TTN: variants seen among roughly 807,000 people sequenced by gnomAD.
TTN encodes the protein titin, also known as connectin.
TTN carries 1,525 observed loss-of-function variants against 3,223.0 expected under a neutral mutation model. The ratio of observed to expected loss-of-function variants is 0.47; its 90% CI spans 0.45 to 0.49. TTN has a LOEUF of 0.49. TTN is among the 20% of genes least tolerant of loss of function. TTN has a pLI of 0.00. For missense variants in TTN, 40,786 were observed against 43,424.0 expected (o/e 0.94, Z 5.40); for synonymous variants, 14,094 against 15,161.0 (o/e 0.93, Z 5.17).
chr2:178,741,984 CA>C (rs1352163326), intron 47 of TTN, 63 bp from the exon 48 acceptor site: 1 of 1,224,790 alleles, frequency 8.2e-7, no homozygotes, highest in Non-Finnish European at 1.0e-6. Context: ...AAATAGAAAT[CA>C]AAGAATTAGA....
Position 178,595,616 on chromosome 2 carries a change from C to A in TTN, c.57738G>T (p.Gln19246His). Residue 19246 changes from glutamine to histidine, a missense_variant, in exon 295 of 363, where the codon CAG (glutamine) becomes CAT (histidine). Transcript: ENST00000589042. ...YTVTRQNATV[Q>H]GLIQGKAYFF... ...AGTAGGCTTTTCCTTGAATGAGACC[C>A]TGGACAGTAGCATTTTGTCGGGTAA... 1 of 1,599,286 alleles carries A rather than the reference C, an allele frequency of 6.3e-7. No homozygotes were observed. The highest frequency in any genetic ancestry group is 2.3e-5 in the East Asian group (1 of 44,184).
Position 178,567,294 on chromosome 2 carries a change from T to G in TTN, c.78838A>C (p.Asn26280His). 1 of 1,606,918 alleles carries G rather than the reference T, an allele frequency of 6.2e-7. No individual in the cohort carries two copies. Among genetic ancestry groups the G allele is most frequent in the Non-Finnish European group, 8.5e-7 (1 of 1,177,342 alleles). ...CCTGGTCTATCTAATACTTTTACAT[T>G]TACTGGGAATGACTTAGAACCTGCA... ...NVAGSKSFPV[N>H]VKVLDRPGPP... Residue 26280 changes from asparagine to histidine, a missense_variant, in exon 326 of 363, where the codon AAT becomes CAT. Transcript: ENST00000589042.
chr2:178,671,452 G>A (rs2066957619), intron 155 of TTN, among the ~76,000 whole-genome samples: 1 of 151,620 alleles, frequency 6.6e-6, no homozygotes, highest in South Asian at 2.1e-4. Flanking sequence ...TTTGTGCTAT[G>A]GCTTGTCTTC....
In TTN at chr2:178,632,977, G is replaced by C; in HGVS notation, c.43154C>G (p.Thr14385Arg). ...LILHNCQLGM[T>R]GEVSFQAANA... ...AGCAGCCTGGAAGGAAACCTCTCCT[G>C]TCATACCCAGCTGACAGTTATGAAG... The change falls in exon 234 of 363, where the codon ACA becomes AGA. Residue 14385 changes from threonine to arginine, a missense_variant. Thr to Arg is a moderately conservative substitution (Grantham distance 71). Transcript: ENST00000589042. 1.2e-6 allele frequency: 2 copies of C among 1,613,224 alleles called. No homozygotes were observed. The highest frequency in any genetic ancestry group is 2.7e-5 in the African/African-American group (2 of 75,002).
intron 13 of TTN, among the ~76,000 whole-genome samples, chr2:178,788,108 G>C (rs992150994): frequency 1.3e-5 from 2 of 152,050 alleles, no homozygotes; most frequent in African/African-American, 2.4e-5. Flanking sequence ...CACAATTCAC[G>C]ACGGATGAAA....
In TTN at chr2:178,543,433, C is replaced by G. The variant is rs754837315; in HGVS notation, c.96540G>C (p.Leu32180=). ...VEGTMYYFRV[L]PENIYGIGEP... ...CTCCAATGCCATAAATATTTTCTGG[C>G]AGCACTCTGAAATAGTACATGGTTC... Residue 32180 remains leucine, a synonymous_variant, in exon 347 of 363, where the codon CTG becomes CTC. Coordinates refer to ENST00000589042, the MANE Select transcript of TTN (RefSeq NM_001267550.2). The G allele has an allele frequency of 1.9e-6, 3 of 1,613,772 alleles. No homozygotes were observed. Among genetic ancestry groups the G allele is most frequent in the Non-Finnish European group, 2.5e-6 (3 of 1,179,770 alleles).
At position 178,678,129 on chromosome 2, in the gene TTN, G is replaced by C. The variant is rs2068515070; in HGVS notation, c.33990C>G (p.Pro11330=). ...CTCTGTTACAGATTAATGTACCTTT[G>C]GGTGGTGGTGCTTCCACTTTTTTCG... ...PVPKKVEAPP[P]KVPKKREPVP... The change falls in exon 145 of 363, where the codon CCC becomes CCG. Residue 11330 remains proline, a synonymous_variant. Transcript: ENST00000589042. 1 of 1,609,750 alleles carries C rather than the reference G, an allele frequency of 6.2e-7. No homozygotes were observed. Among genetic ancestry groups the C allele is most frequent in the Admixed American group, 1.7e-5 (1 of 59,290 alleles).
chr2:178,802,063 T>C, intron 3 of TTN, 75 bp downstream of exon 3: 1 of 1,584,642 alleles, frequency 6.3e-7, no homozygotes. Flanking sequence ...CCATAGCTTT[T>C]TCTGGACTCC....
chr2:178,615,227 A>G (rs2057115204), intron 259 of TTN, 80 bp downstream of exon 259: 7 of 1,519,732 alleles, frequency 4.6e-6, no homozygotes, highest in South Asian at 2.4e-5. Flanking sequence ...AAAAAAGACA[A>G]ACATTTAAAT....
chr2:178,608,337 AATGTGT>A lies in TTN; in HGVS notation c.52540_52545del (p.Thr17514_His17515del). On this transcript the variant is annotated inframe_deletion, in exon 275 of 363. Coordinates refer to ENST00000589042, the MANE Select transcript of TTN (RefSeq NM_001267550.2). Reference sequence around the variant, plus strand: ...AGAAGGCTTTTGTTGACACGAGACCAATGTGTACTGTTAACTTCACGTTTTTCAAGC... The same window carrying A: ...AGAAGGCTTTTGTTGACACGAGACCAACTGTTAACTTCACGTTTTTCAAGC... 4 of 1,612,458 alleles carry A rather than the reference AATGTGT, an allele frequency of 2.5e-6. No homozygotes were observed. Among genetic ancestry groups the A allele is most frequent in the Non-Finnish European group, 2.5e-6 (3 of 1,179,184 alleles).
intron 236 of TTN, 43 bp from the exon 237 acceptor site, chr2:178,631,343 AG>A: frequency 1.9e-6 from 3 of 1,545,246 alleles, no homozygotes; most frequent in Middle Eastern, 2.1e-4. Flanking sequence ...TAATCACCTT[AG>A]GGAAATGACA....
chr2:178,681,562 A>C, intron 136 of TTN, 99 bp downstream of exon 136: 1 of 1,468,408 alleles, frequency 6.8e-7, no homozygotes, highest in Non-Finnish European at 9.3e-7. Context: ...AAACACACAC[A>C]TAATTTGTAC....
In TTN at chr2:178,560,798, C is replaced by T. The variant is rs773226749; in HGVS notation, c.85334G>A (p.Cys28445Tyr). 19 of 1,613,578 alleles carry T rather than the reference C, an allele frequency of 1.2e-5. No homozygotes were observed. The African/African-American group carries it at 1.6e-4, about 14-fold the overall frequency. ...VAGTRSVAVN[C>Y]KVLDKPGPPA... is the part of the protein sequence containing the mutation. The stretch of plus-strand genomic sequence containing the variant: ...TGGACCAGGCTTATCAAGTACTTTG[C>T]AATTAACGGCCACAGACCGAGTGCC... Residue 28445 changes from cysteine (C) to tyrosine (Y), a missense_variant, in exon 326 of 363, where the codon TGC becomes TAC. Physicochemically the swap from Cys to Tyr is radical, Grantham distance 194. Coordinates refer to ENST00000589042, the MANE Select transcript of TTN (RefSeq NM_001267550.2).
rs748522179 is a variant in TTN at position 178,584,578 on chromosome 2, C to G, written c.64973G>C (p.Gly21658Ala). 1 of 1,611,298 alleles carries G rather than the reference C, an allele frequency of 6.2e-7. No homozygotes were observed. The highest frequency in any genetic ancestry group is 8.5e-7 in the Non-Finnish European group (1 of 1,178,468). ...TGCATTCTTTGGTTCACTAGGAACA[C>G]CTGGAGATGAAGACAAGGAAGATGT... ...SPKMVAQFPF[G>A]VPSEPKNARV... Residue 21658 changes from glycine (G) to alanine (A), a missense_variant and splice_region_variant, in exon 311 of 363, where the codon GGT (glycine) becomes GCT (alanine). Gly to Ala is a moderately conservative substitution (Grantham distance 60). Transcript: ENST00000589042.
Position 178,542,328 on chromosome 2 carries a change from T to G in TTN, c.97428A>C (p.Ala32476=). The change falls in exon 349 of 363, where the codon GCA becomes GCC. Residue 32476 remains alanine (A), a synonymous_variant. Transcript: ENST00000589042. ...AAGAGCCAATCCCGAAGCGGTTTGT[T>G]GCAGCCACACGGAACACATACTCAT... is the stretch of plus-strand genomic sequence containing the variant. ...EGNEYVFRVA[A]TNRFGIGSYL... 6.2e-7 allele frequency: 1 copy of G among 1,613,284 alleles called. No individual in the cohort carries two copies. The highest frequency in any genetic ancestry group is 8.5e-7 in the Non-Finnish European group (1 of 1,179,570).
At position 178,578,964 on chromosome 2, in the gene TTN, T is replaced by C. The variant is rs375397094; in HGVS notation, c.68066A>G (p.Asn22689Ser). 3 of 1,613,238 alleles carry C rather than the reference T, an allele frequency of 1.9e-6. No individual in the cohort carries two copies. The highest frequency in any genetic ancestry group is 1.3e-5 in the African/African-American group (1 of 74,972). ...AGCTGAGGCGCACGTCACCCACTTGTTGTTCACAGAATCCCTCTTCTCTAG... is the reference window on the plus strand; with the variant it reads ...AGCTGAGGCGCACGTCACCCACTTGCTGTTCACAGAATCCCTCTTCTCTAG... ...YILEKRDSVN[N>S]KWVTCASAVQ... The change falls in exon 320 of 363, where the codon AAC becomes AGC. Residue 22689 changes from asparagine (N) to serine (S), a missense_variant. Asn to Ser is a conservative substitution (Grantham distance 46). Transcript: ENST00000589042.
chr2:178,530,809 GTC>G lies in TTN; in HGVS notation c.105804_105805del (p.Glu35268AspfsTer30), dbSNP rs767702155. 1 of 1,613,844 alleles carries G rather than the reference GTC, an allele frequency of 6.2e-7. No homozygotes were observed. Among genetic ancestry groups the G allele is most frequent in the South Asian group, 1.1e-5 (1 of 91,074 alleles). ...AACTTTCTCTGTTGGTGTTGGTTTT[GTC>G]TCTGTGGGTGATACGGCTTTCGGGT... On this transcript the variant is annotated frameshift_variant, in exon 358 of 363. Coordinates refer to ENST00000589042, the MANE Select transcript of TTN (RefSeq NM_001267550.2). LOFTEE classifies it high-confidence loss of function.
In TTN at chr2:178,552,270, C is replaced by T; in HGVS notation, c.90630G>A (p.Val30210=). Residue 30210 remains valine (V), a synonymous_variant, in exon 335 of 363, where the codon GTG becomes GTA. Transcript: ENST00000589042. Reference sequence around the variant, plus strand: ...CTGTAATGGGGACTGCAATTCTACACACTGCATTATCAAGAATAACAGTGT... The same window carrying T: ...CTGTAATGGGGACTGCAATTCTACATACTGCATTATCAAGAATAACAGTGT... ...GKYTVILDNA[V]CRIAVPITVI... 3.1e-6 allele frequency: 5 copies of T among 1,613,610 alleles called. No homozygotes were observed. The highest frequency in any genetic ancestry group is 1.7e-4 in the Middle Eastern group (1 of 6,056).
chr2:178,546,859 T>C lies in TTN; in HGVS notation c.94569A>G (p.Val31523=). ...ACGCTGGGGCAGACCAAATCAGTGA[T>C]ACTGTTGATCTTGTGACATCTGTCA... The part of the protein sequence containing the change: ...PEVTDVTRST[V]SLIWSAPAYD... Residue 31523 remains valine, a synonymous_variant, in exon 341 of 363, where the codon GTA becomes GTG. Coordinates refer to ENST00000589042, the MANE Select transcript of TTN (RefSeq NM_001267550.2). 1 of 1,601,078 alleles carries C rather than the reference T, an allele frequency of 6.2e-7. No individual in the cohort carries two copies. The highest frequency in any genetic ancestry group is 8.5e-7 in the Non-Finnish European group (1 of 1,170,620).
Sources: allele counts gnomAD v4.1 joint callset (sites outside exome capture counted in the v4.1 genomes callset), GRCh38; gene constraint gnomAD v4.1.1; transcripts MANE v1.5; gene names NCBI Gene and HGNC (gene_info 2026-07-23, HGNC 2026-07-21).